The following NAALADL2 variants were observed in gnomAD, a reference collection of about 807,000 sequenced individuals.
NAALADL2 encodes N-acetylated alpha-linked acidic dipeptidase like 2, also known as inactive N-acetylated-alpha-linked acidic dipeptidase-like protein 2.
A neutral mutation model predicts 87.2 loss-of-function variants in NAALADL2; 76 were observed. That is an observed-to-expected ratio of 0.87 (90% CI 0.72 to 1.05). NAALADL2 has a LOEUF of 1.05. NAALADL2 is among the 50% of genes least tolerant of loss of function. The pLI, the probability that NAALADL2 is intolerant of heterozygous loss-of-function variation, is 0.00. For synonymous variants in NAALADL2, 354 were observed against 331.0 expected (o/e 1.07, Z -0.75); for missense variants, 1,089 against 945.8 (o/e 1.15, Z -1.99).
At chr3:175,444,857 C>T (rs1045558365) in intron 5 of NAALADL2, among the ~76,000 whole-genome samples, 23 of 152,090 alleles carry the variant, frequency 1.5e-4, no homozygotes, top group Non-Finnish European at 2.1e-4. Flanking sequence ...ATTTTTTCTT[C>T]AAAGCCATGA....
chr3:174,474,017 T>C (rs1268093690), intron 1 of NAALADL2, among the ~76,000 whole-genome samples: 1 of 152,052 alleles, frequency 6.6e-6, no homozygotes, highest in Non-Finnish European at 1.5e-5. Context: ...TATGAAACCA[T>C]CAGATCTTGT....
intron 2 of NAALADL2, among the ~76,000 whole-genome samples, chr3:174,616,940 T>G (rs1020635829): frequency 4.6e-5 from 7 of 151,890 alleles, no homozygotes; most frequent in African/African-American, 1.7e-4. Flanking sequence ...TGTATTGTTT[T>G]AATAGTCATT....
In NAALADL2 at chr3:175,773,312, GAAA is replaced by G. The variant is rs986947178; in HGVS notation, c.2189+17897_2189+17899del. ...ACAGATGGTTTGCTGCTGAAAACTAGAAAAATGAATGAATAGTTTAGTTTTCTG... is the reference window on the plus strand; with the variant it reads ...ACAGATGGTTTGCTGCTGAAAACTAGAATGAATGAATAGTTTAGTTTTCTG... On this transcript the variant is annotated intron_variant, in intron 13 of 13. Coordinates refer to ENST00000454872, the MANE Select transcript of NAALADL2 (RefSeq NM_207015.3). The G allele has an allele frequency of 5.5e-4, 84 of 152,182 alleles. 1 individual carries two copies. The highest frequency in any genetic ancestry group is 2.0e-3 in the African/African-American group (84 of 41,548). The allele number at this position is 152,182 out of a possible 1,614,324, so 9.4% of individuals were successfully genotyped here. A position where few individuals can be genotyped will look rare whatever the true frequency, so the allele number is the denominator to read the frequency against.
intron 2 of NAALADL2, among the ~76,000 whole-genome samples, chr3:174,568,381 T>G (rs1269184325): frequency 6.6e-6 from 1 of 151,826 alleles, no homozygotes; most frequent in East Asian, 1.9e-4. Context: ...TCTGAATCTG[T>G]TTCAGAAAGT....
chr3:174,598,626 A>T (rs1217665222), intron 2 of NAALADL2, among the ~76,000 whole-genome samples: 1 of 152,178 alleles, frequency 6.6e-6, no homozygotes, highest in African/African-American at 2.4e-5. Context: ...GAAAATTTAT[A>T]ATTAGTTCAT....
Position 174,863,336 on chromosome 3 carries a change from C to T in NAALADL2, c.43+3886C>T, listed in dbSNP as rs140807658. On this transcript the variant is annotated intron_variant, in intron 1 of 13. Transcript: ENST00000454872. ...TTTCCATATTGACGTCTTTTAGTTTCTATATTTATGGTCTTGAAAGCATTG... is the reference window on the plus strand; with the variant it reads ...TTTCCATATTGACGTCTTTTAGTTTTTATATTTATGGTCTTGAAAGCATTG... Among the ~76,000 whole-genome samples, 660 of 152,090 alleles carry T rather than the reference C, an allele frequency of 4.3e-3. 6 individuals carry two copies. The highest frequency in any genetic ancestry group is 0.011 in the South Asian group (54 of 4,824).
intron 2 of NAALADL2, among the ~76,000 whole-genome samples, chr3:175,143,454 C>G (rs1053416733): frequency 6.6e-6 from 1 of 150,802 alleles, no homozygotes; most frequent in Non-Finnish European, 1.5e-5. Flanking sequence ...CTCCTCTATA[C>G]CAACTATCAG....
chr3:174,444,905 T>C (rs1714927858), intron 1 of NAALADL2, among the ~76,000 whole-genome samples: 1 of 152,106 alleles, frequency 6.6e-6, no homozygotes, highest in African/African-American at 2.4e-5. Flanking sequence ...ATTGGCAACA[T>C]AGGTTGTAGA....
At chr3:174,798,106 T>G (rs1328598199) in intron 3 of NAALADL2, among the ~76,000 whole-genome samples, 1 of 152,220 alleles carries the variant, frequency 6.6e-6, no homozygotes, top group Non-Finnish European at 1.5e-5. Context: ...GTTGATAAGA[T>G]TATTTTCCCT....
At chr3:174,939,278 G>A (rs2108459490) in intron 1 of NAALADL2, among the ~76,000 whole-genome samples, 1 of 151,908 alleles carries the variant, frequency 6.6e-6, no homozygotes, top group Middle Eastern at 3.4e-3. Flanking sequence ...TTTTTCCATG[G>A]CTTGGTTTTA....
At chr3:174,840,067 C>A (rs1017742841) in intron 3 of NAALADL2, among the ~76,000 whole-genome samples, 10 of 151,766 alleles carry the variant, frequency 6.6e-5, no homozygotes. Context: ...TATATAGCAG[C>A]ACAATTCGTA....
At chr3:175,616,152 T>C (rs944224341) in intron 10 of NAALADL2, among the ~76,000 whole-genome samples, 14 of 147,796 alleles carry the variant, frequency 9.5e-5, no homozygotes, top group African/African-American at 3.4e-4. Context: ...ATAAATGATA[T>C]ATGTTTTATA....
chr3:175,079,088 A>T (rs1295148997), intron 1 of NAALADL2, among the ~76,000 whole-genome samples: 1 of 152,076 alleles, frequency 6.6e-6, no homozygotes, highest in Non-Finnish European at 1.5e-5. Context: ...ATCCTTTCCA[A>T]CACTTATCAT....
chr3:175,000,715 G>A (rs1042054330), intron 1 of NAALADL2, among the ~76,000 whole-genome samples: 2 of 152,076 alleles, frequency 1.3e-5, no homozygotes, highest in Admixed American at 1.3e-4. Context: ...TCAGATTTCA[G>A]TCACTTATTT....
At chr3:175,662,611 A>G (rs950984591) in intron 11 of NAALADL2, among the ~76,000 whole-genome samples, 2 of 151,908 alleles carry the variant, frequency 1.3e-5, no homozygotes, top group African/African-American at 4.8e-5. Context: ...ATTCAATATT[A>G]TATTAGCTGT....
chr3:174,896,024 G>A (rs1232914348), intron 1 of NAALADL2, among the ~76,000 whole-genome samples: 1 of 151,972 alleles, frequency 6.6e-6, no homozygotes, highest in Non-Finnish European at 1.5e-5. Flanking sequence ...AAAAAACTGG[G>A]TATAGAAGAA....
intron 3 of NAALADL2, among the ~76,000 whole-genome samples, chr3:174,839,852 T>A (rs4109596): frequency 2.0e-5 from 3 of 150,824 alleles, no homozygotes; most frequent in Non-Finnish European, 3.0e-5. Flanking sequence ...TAAAAAAAAA[T>A]AGTTGTTCGC....
In NAALADL2 at chr3:175,308,245, G is replaced by C. The variant is rs556069217; in HGVS notation, c.940-15930G>C. Among the ~76,000 whole-genome samples the C allele has an allele frequency of 1.1e-4, 16 of 152,204 alleles. No individual in the cohort carries two copies. The East Asian group carries it at 1.5e-3, about 15-fold the overall frequency. ...TTTTATCTTTCAGCTTTTCACACCT[G>C]TTTCTGTTTTGTGTCTTGTTTGCTC... On this transcript the variant is annotated intron_variant, in intron 4 of 13. Transcript: ENST00000454872.
intron 1 of NAALADL2, among the ~76,000 whole-genome samples, chr3:174,889,534 T>G (rs1427918204): frequency 2.6e-5 from 4 of 151,908 alleles, no homozygotes; most frequent in African/African-American, 9.7e-5. Flanking sequence ...TATCTCTCAT[T>G]CCCCATCCTC....
Sources: allele counts gnomAD v4.1 joint callset (sites outside exome capture counted in the v4.1 genomes callset), GRCh38; gene constraint gnomAD v4.1.1; transcripts MANE v1.5; gene names NCBI Gene and HGNC (gene_info 2026-07-23, HGNC 2026-07-21).